The following SMG1 variants were observed in gnomAD, a reference collection of about 807,000 sequenced individuals.
The protein encoded by SMG1 is SMG1 nonsense mediated mRNA decay associated PI3K related kinase.
A neutral mutation model predicts 419.9 loss-of-function variants in SMG1; 22 were observed. That is an observed-to-expected ratio of 0.05 (90% CI 0.04 to 0.07). The LOEUF is 0.07. Among genes scored for constraint, SMG1 ranks in the 10% least tolerant of loss-of-function variants. The pLI, the probability that SMG1 is intolerant of heterozygous loss-of-function variation, is 1.00. For synonymous variants in SMG1, 1,538 were observed against 1,553.5 expected (o/e 0.99, Z 0.23); for missense variants, 3,185 against 4,342.0 (o/e 0.73, Z 7.49).
Position 18,872,690 on chromosome 16 carries a change from A to G in SMG1, c.1891-66T>C. 5 of 1,239,672 alleles carry G rather than the reference A, an allele frequency of 4.0e-6. No homozygotes were observed. The South Asian group carries it at 7.1e-5, about 18-fold the overall frequency. The allele number at this position is 1,239,672 out of a possible 1,614,324, so 76.8% of individuals were successfully genotyped here. Reference sequence around the variant, plus strand: ...AAATAAGCACAAGCATACAGAGTTTATCCTTCAAAATAGGGGTATCTGGAC... The same window carrying G: ...AAATAAGCACAAGCATACAGAGTTTGTCCTTCAAAATAGGGGTATCTGGAC... On this transcript the variant is annotated intron_variant, in intron 13 of 62. Coordinates refer to ENST00000446231, the MANE Select transcript of SMG1 (RefSeq NM_015092.5).
intron 51 of SMG1, among the ~76,000 whole-genome samples, chr16:18,831,511 A>T (rs1458572343): frequency 1.3e-5 from 2 of 152,218 alleles, no homozygotes; most frequent in African/African-American, 2.4e-5. Flanking sequence ...AGATGTACAG[A>T]TCTAGCATTT....
chr16:18,843,745 A>G (rs2034061593), intron 39 of SMG1, among the ~76,000 whole-genome samples: 1 of 152,224 alleles, frequency 6.6e-6, no homozygotes, highest in Non-Finnish European at 1.5e-5. Flanking sequence ...AAACAGGCGG[A>G]AACTAAACAG....
In SMG1 at chr16:18,836,505, A is replaced by C; in HGVS notation, c.7632T>G (p.Thr2544=). 6.2e-7 allele frequency: 1 copy of C among 1,613,992 alleles called. No homozygotes were observed. Among genetic ancestry groups the C allele is most frequent in the Non-Finnish European group, 8.5e-7 (1 of 1,179,890 alleles). Residue 2544 remains threonine (T), a synonymous_variant, in exon 47 of 63, where the codon ACT becomes ACG. Transcript: ENST00000446231. The part of the protein sequence containing the change: ...HRYSEHTQLQ[T]QQRAVQEAIQ... ...TTGCTTCCTGAACAGCTCTTTGCTG[A>C]GTCTGTAGTTGGGTGTGCTCAGAAT...
intron 55 of SMG1, among the ~76,000 whole-genome samples, chr16:18,821,217 GTTTCTTTTTTTTTTT>G (rs2032505380): frequency 6.3e-5 from 2 of 31,736 alleles, no homozygotes; most frequent in African/African-American, 2.1e-4. Context: ...TATTTAGTAT[GTTTCTTTTTTTTTTT>G]TTTTTTTTCT....
intron 55 of SMG1, 93 bp from the exon 56 acceptor site, chr16:18,819,747 G>C: frequency 3.2e-6 from 4 of 1,245,624 alleles, no homozygotes. Flanking sequence ...AGATTCAAAA[G>C]AACCAGGGTG....
intron 1 of SMG1, among the ~76,000 whole-genome samples, chr16:18,909,463 G>C (rs1380269194): frequency 1.3e-5 from 2 of 152,084 alleles, no homozygotes; most frequent in Admixed American, 6.6e-5. Context: ...AGGATCACTC[G>C]AGCCCAGGAG....
rs551480994 is a variant in SMG1, at chr16:18,899,923, G to C, written c.93-2967C>G. 38 of 804,146 alleles carry C rather than the reference G, an allele frequency of 4.7e-5. No individual in the cohort carries two copies. The East Asian group carries it at 9.2e-4, about 20-fold the overall frequency. 49.8% of individuals were successfully genotyped at this position (804,146 alleles called of 1,614,324 possible). On this transcript the variant is annotated intron_variant, in intron 1 of 62. Coordinates refer to ENST00000446231, the MANE Select transcript of SMG1 (RefSeq NM_015092.5). ...AGAAATGCATAAATTTCCCCACAAC[G>C]ATCAAACTGAAGTTAAAGCCTGATG...
At chr16:18,887,516 C>CTTT (rs574179061) in intron 6 of SMG1, among the ~76,000 whole-genome samples, 8 of 110,140 alleles carry the variant, frequency 7.3e-5, no homozygotes, top group African/African-American at 2.8e-4. Flanking sequence ...TTTTTTTTTC[C>CTTT]TTTTTTTTTT....
intron 56 of SMG1, 34 bp from the exon 57 acceptor site, chr16:18,817,504 T>A: frequency 6.7e-7 from 1 of 1,497,188 alleles, no homozygotes; most frequent in Non-Finnish European, 9.0e-7. Context: ...CAAGAGGAGA[T>A]GGGAGGAAGG....
At chr16:18,809,832 A>G (rs955375528) in intron 62 of SMG1, among the ~76,000 whole-genome samples, 186 bp from the exon 63 acceptor site, 5 of 152,288 alleles carry the variant, frequency 3.3e-5, no homozygotes, top group African/African-American at 1.2e-4. Context: ...CACAATAACC[A>G]AGTATACTTT....
intron 1 of SMG1, among the ~76,000 whole-genome samples, chr16:18,921,137 CAAAA>C (rs548882021): frequency 3.9e-5 from 3 of 77,708 alleles, no homozygotes; most frequent in Admixed American, 2.7e-4. Context: ...AACTCTGTCT[CAAAA>C]AAAAAAAAAA....
At chr16:18,920,950 C>T (rs1246717832) in intron 1 of SMG1, among the ~76,000 whole-genome samples, 1 of 151,968 alleles carries the variant, frequency 6.6e-6, no homozygotes, top group East Asian at 1.9e-4. Context: ...CCAGCCTGGC[C>T]AACATGGTGA....
At position 18,839,848 on chromosome 16, in the gene SMG1, C is replaced by G; in HGVS notation, c.6795G>C (p.Gly2265=). 3 of 1,613,786 alleles carry G rather than the reference C, an allele frequency of 1.9e-6. No individual in the cohort carries two copies. Among genetic ancestry groups the G allele is most frequent in the Non-Finnish European group, 2.5e-6 (3 of 1,179,812 alleles). Residue 2265 remains glycine (G), a synonymous_variant, in exon 42 of 63, where the codon GGG becomes GGC. Transcript: ENST00000446231. The part of the protein sequence containing the change: ...SKIGPALKTV[G]LSLDVSRRDW... ...CCCGACGGGACACATCCAGGCTAAGCCCAACTGTTTTCAAAGCAGGGCCAA... is the reference window on the plus strand; with the variant it reads ...CCCGACGGGACACATCCAGGCTAAGGCCAACTGTTTTCAAAGCAGGGCCAA...
At chr16:18,921,276 G>T (rs1358979642) in intron 1 of SMG1, among the ~76,000 whole-genome samples, 1 of 152,008 alleles carries the variant, frequency 6.6e-6, no homozygotes, top group Non-Finnish European at 1.5e-5. Context: ...CCCAGAGGAA[G>T]TCAAGGCTGC....
chr16:18,820,092 A>C (rs1431534052), intron 55 of SMG1, among the ~76,000 whole-genome samples: 1 of 152,082 alleles, frequency 6.6e-6, no homozygotes, highest in African/African-American at 2.4e-5. Flanking sequence ...CAGCCTCCCG[A>C]GTAGCTGGGA....
chr16:18,827,341 G>A (rs1390481560), intron 55 of SMG1, among the ~76,000 whole-genome samples: 5 of 151,464 alleles, frequency 3.3e-5, no homozygotes, highest in East Asian at 1.9e-4. Context: ...CAGGAGAATC[G>A]CTTGAACCCG....
intron 31 of SMG1, 116 bp from the exon 32 acceptor site, chr16:18,852,578 G>C: frequency 1.2e-6 from 1 of 866,682 alleles, no homozygotes; most frequent in Non-Finnish European, 1.6e-6. Flanking sequence ...GCAATCAAAA[G>C]TTCCAAAATA....
chr16:18,839,813 A>G lies in SMG1; in HGVS notation c.6830T>C (p.Leu2277Pro), dbSNP rs752244365. 2 of 1,614,012 alleles carry G rather than the reference A, an allele frequency of 1.2e-6. No homozygotes were observed. The highest frequency in any genetic ancestry group is 1.3e-5 in the African/African-American group (1 of 75,048). ...TTCCAATACTGCCTTCATTACATGA[A>G]GAGGCCAATCCCGACGGGACACATC... is the stretch of plus-strand genomic sequence containing the variant. ...SLDVSRRDWP[L>P]HVMKAVLEEL... Residue 2277 changes from leucine (L) to proline (P), a missense_variant, in exon 42 of 63, where the codon CTT becomes CCT. Leu to Pro is a moderately conservative substitution (Grantham distance 98). This residue lies in a region of SMG1 where 132 missense variants were observed against 151.0 expected (regional missense o/e 0.87). Transcript: ENST00000446231.
intron 25 of SMG1, among the ~76,000 whole-genome samples, chr16:18,862,069 A>T: frequency 6.6e-6 from 1 of 152,182 alleles, no homozygotes. Flanking sequence ...CGACTTCAAG[A>T]AAAACTCACT....
Sources: allele counts gnomAD v4.1 joint callset (sites outside exome capture counted in the v4.1 genomes callset), GRCh38; gene constraint gnomAD v4.1.1; regional missense constraint gnomAD v4.1.1; transcripts MANE v1.5; gene names NCBI Gene and HGNC (gene_info 2026-07-23, HGNC 2026-07-21).